Variants in ITFG1 observed in about 807,000 individuals in gnomAD.
ITFG1 encodes T-cell immunomodulatory protein.
A neutral mutation model predicts 81.8 loss-of-function variants in ITFG1; 34 were observed. The ratio of observed to expected loss-of-function variants is 0.42; its 90% CI spans 0.32 to 0.55. The LOEUF (loss-of-function observed/expected upper bound fraction) is 0.55. Among genes scored for constraint, ITFG1 ranks in the 20% least tolerant of loss-of-function variants. The probability of loss-of-function intolerance (pLI) is 0.17; values close to 1 mark genes in which losing one functional copy is unlikely to be tolerated. For synonymous variants in ITFG1, 285 were observed against 270.6 expected (o/e 1.05, Z -0.52); for missense variants, 672 against 755.4 (o/e 0.89, Z 1.29).
At chr16:47,305,292 G>A (rs920535813) in intron 10 of ITFG1, among the ~76,000 whole-genome samples, 5 of 152,118 alleles carry the variant, frequency 3.3e-5, no homozygotes, top group African/African-American at 9.7e-5. Flanking sequence ...CTTTCACAGT[G>A]GTGACTAGTA....
intron 12 of ITFG1, among the ~76,000 whole-genome samples, chr16:47,258,282 G>A (rs968277048): frequency 1.3e-5 from 2 of 152,222 alleles, no homozygotes; most frequent in Admixed American, 6.5e-5. Flanking sequence ...GTTGGGTAAT[G>A]AGGAAACAGT....
chr16:47,344,428 C>T (rs140563527), intron 8 of ITFG1, among the ~76,000 whole-genome samples: 1 of 152,140 alleles, frequency 6.6e-6, no homozygotes, highest in East Asian at 1.9e-4. Context: ...ATACAACTGT[C>T]TCATAGTTTA....
intron 14 of ITFG1, among the ~76,000 whole-genome samples, chr16:47,172,894 T>C (rs1964978577): frequency 6.6e-6 from 1 of 152,230 alleles, no homozygotes; most frequent in African/African-American, 2.4e-5. Flanking sequence ...TCTTGTCCTA[T>C]GTCCTACTTA....
rs540839523 is a variant in ITFG1 at position 47,350,390 on chromosome 16, C to T, written c.802+15398G>A. Among the ~76,000 whole-genome samples the T allele has an allele frequency of 1.3e-3, 196 of 152,086 alleles. 1 individual carries two copies. The highest frequency in any genetic ancestry group is 4.6e-3 in the South Asian group (22 of 4,800). ...AAAATGATAAAGGGGATATCACCAC[C>T]GATCCCACAGAAATACAAACTACCA... On this transcript the variant is annotated intron_variant, in intron 8 of 17. Transcript: ENST00000320640.
intron 14 of ITFG1, chr16:47,218,445 C>A (rs893911622): frequency 2.0e-5 from 3 of 151,904 alleles, no homozygotes; most frequent in Non-Finnish European, 4.4e-5. Flanking sequence ...AAAAAACCCT[C>A]TCTATGTATT....
At chr16:47,299,254 C>T (rs1368513369) in intron 10 of ITFG1, among the ~76,000 whole-genome samples, 1 of 152,126 alleles carries the variant, frequency 6.6e-6, no homozygotes, top group East Asian at 1.9e-4. Context: ...AGTGGCTGTG[C>T]ATGTTGATAT....
At chr16:47,307,021 G>A (rs535015441) in intron 10 of ITFG1, among the ~76,000 whole-genome samples, 1 of 143,412 alleles carries the variant, frequency 7.0e-6, no homozygotes, top group African/African-American at 2.6e-5. Context: ...GTGAACCCGG[G>A]AGGCAGAGCT....
chr16:47,349,258 G>C (rs1482678341), intron 8 of ITFG1, among the ~76,000 whole-genome samples: 1 of 152,030 alleles, frequency 6.6e-6, no homozygotes, highest in Non-Finnish European at 1.5e-5. Flanking sequence ...TAAAAGGCAC[G>C]GACTGGCAAA....
chr16:47,200,476 C>A (rs1327264731), intron 14 of ITFG1, among the ~76,000 whole-genome samples: 1 of 152,108 alleles, frequency 6.6e-6, no homozygotes, highest in East Asian at 1.9e-4. Flanking sequence ...TTAGTAACAA[C>A]AACAGAAGTT....
chr16:47,176,459 G>C (rs906405479), intron 14 of ITFG1, among the ~76,000 whole-genome samples: 1 of 152,160 alleles, frequency 6.6e-6, no homozygotes, highest in African/African-American at 2.4e-5. Context: ...CGAAGACTCT[G>C]AAAGAAAAAT....
intron 10 of ITFG1, among the ~76,000 whole-genome samples, chr16:47,278,046 T>C (rs1245875761): frequency 6.6e-6 from 1 of 152,196 alleles, no homozygotes; most frequent in Admixed American, 6.5e-5. Context: ...CAATTATTTA[T>C]TCACATATCT....
intron 17 of ITFG1, 48 bp downstream of exon 17, chr16:47,158,825 T>C (rs774980289): frequency 3.2e-6 from 3 of 935,346 alleles, no homozygotes; most frequent in Non-Finnish European, 5.1e-6. Context: ...ATGTATGTAT[T>C]ACTAGAATAA....
intron 13 of ITFG1, among the ~76,000 whole-genome samples, chr16:47,235,741 C>T (rs1965865905): frequency 6.6e-6 from 1 of 152,148 alleles, no homozygotes; most frequent in African/African-American, 2.4e-5. Context: ...CACACTGGGT[C>T]ACATCCAATA....
At chr16:47,171,343 A>G (rs1046337344) in intron 14 of ITFG1, among the ~76,000 whole-genome samples, 10 of 152,280 alleles carry the variant, frequency 6.6e-5, no homozygotes, top group African/African-American at 2.2e-4. Context: ...AGTTGTTTAT[A>G]GTATTATCAA....
intron 10 of ITFG1, among the ~76,000 whole-genome samples, chr16:47,267,607 A>C (rs1187081435): frequency 6.6e-6 from 1 of 152,156 alleles, no homozygotes; most frequent in Non-Finnish European, 1.5e-5. Context: ...CAGAATATAT[A>C]ATCTTTTGAC....
At chr16:47,355,038 T>A (rs1203366353) in intron 8 of ITFG1, among the ~76,000 whole-genome samples, 2 of 152,096 alleles carry the variant, frequency 1.3e-5, no homozygotes, top group Non-Finnish European at 2.9e-5. Flanking sequence ...ATCCTACTAC[T>A]GGGTATATAG....
intron 7 of ITFG1, among the ~76,000 whole-genome samples, chr16:47,369,691 T>A (rs1968224451): frequency 6.6e-6 from 1 of 152,176 alleles, no homozygotes; most frequent in Non-Finnish European, 1.5e-5. Flanking sequence ...TACTATTTTT[T>A]AAAAACTGAT....
chr16:47,182,649 T>C (rs1286478637), intron 14 of ITFG1, among the ~76,000 whole-genome samples: 1 of 152,226 alleles, frequency 6.6e-6, no homozygotes. Flanking sequence ...TTTGTAGAAT[T>C]AGAATAACTA....
chr16:47,415,670 T>C (rs558016537), intron 6 of ITFG1, among the ~76,000 whole-genome samples: 6 of 152,318 alleles, frequency 3.9e-5, no homozygotes, highest in African/African-American at 1.2e-4. Flanking sequence ...AATACCATTT[T>C]TTCCAATCAT....
Sources: gnomAD v4.1 joint callset for allele counts (sites outside exome capture counted in the v4.1 genomes callset) on GRCh38, gnomAD v4.1.1 for gene constraint, MANE v1.5 for transcripts, NCBI Gene and HGNC (gene_info 2026-07-23, HGNC 2026-07-21) for gene names.